PDGFRA: variants seen among roughly 807,000 people sequenced by gnomAD.
PDGFRA encodes the protein platelet-derived growth factor receptor alpha.
Under a neutral mutation model 121.5 loss-of-function variants are expected in PDGFRA, and 25 were observed. The ratio of observed to expected loss-of-function variants is 0.21; its 90% confidence interval spans 0.15 to 0.29. PDGFRA has a LOEUF of 0.29. PDGFRA is among the 10% of genes least tolerant of loss of function. PDGFRA has a pLI of 1.00. For missense variants in PDGFRA, 1,008 were observed against 1,345.1 expected (o/e 0.75, Z 3.92); for synonymous variants, 463 against 494.8 (o/e 0.94, Z 0.85).
At position 54,274,416 on chromosome 4, in the gene PDGFRA, C is replaced by T. The variant is rs529098529; in HGVS notation, c.1559-115C>T. On this transcript the variant is annotated intron_variant, in intron 10 of 22. Transcript: ENST00000257290. ...CCTAAAATGAACCAGGCAGCCCTCA[C>T]ACTTCCCCACCAGCAGTGAGAGATT... 3 of 792,996 alleles carry T rather than the reference C, an allele frequency of 3.8e-6. No homozygotes were observed. In the African/African-American group the frequency reaches 5.0e-5, roughly 13 times the overall value. The allele number at this position is 792,996 out of a possible 1,614,324, so 49.1% of individuals were successfully genotyped here.
rs1179916749 is a variant in PDGFRA at position 54,261,927 on chromosome 4, A to ATT, written c.367+516_367+517insTT. Among the ~76,000 whole-genome samples, 60 of 84,398 alleles carry ATT rather than the reference A, an allele frequency of 7.1e-4. 1 individual carries two copies. The highest frequency in any genetic ancestry group is 6.3e-3 in the South Asian group (16 of 2,524). 55.4% of individuals were successfully genotyped at this position (84,398 alleles called of 152,430 possible). The stretch of plus-strand genomic sequence containing the variant: ...TATATATATATATATATATATATAT[A>ATT]TATATTTTTTTTTTTTTTGGTAACA... On this transcript the variant is annotated intron_variant, in intron 3 of 22. Transcript: ENST00000257290.
intron 5 of PDGFRA, 60 bp from the exon 6 acceptor site, chr4:54,267,229 T>C: frequency 1.3e-6 from 2 of 1,491,626 alleles, no homozygotes; most frequent in Admixed American, 3.3e-5. Flanking sequence ...TAGTTTATCT[T>C]AGAGTTCACT....
chr4:54,248,388 A>G (rs1195139581), intron 1 of PDGFRA, among the ~76,000 whole-genome samples: 2 of 152,230 alleles, frequency 1.3e-5, no homozygotes, highest in Non-Finnish European at 2.9e-5. Flanking sequence ...ATGGAACAGA[A>G]CAGAACCCTC....
intron 16 of PDGFRA, among the ~76,000 whole-genome samples, chr4:54,284,607 C>T (rs1577740179): frequency 1.4e-5 from 2 of 148,102 alleles, no homozygotes; most frequent in Non-Finnish European, 3.0e-5. Context: ...AGGTGCCATA[C>T]AGTTTTAAAC....
chr4:54,288,833 T>G lies in PDGFRA; in HGVS notation c.2709T>G (p.Ser903=). The change falls in exon 20 of 23, where the codon TCT becomes TCG. Residue 903 remains serine (S), a synonymous_variant. Transcript: ENST00000257290. ...GTPYPGMMVD[S]TFYNKIKSGY... ...CTTACCCCGGCATGATGGTGGATTC[T>G]ACTTTCTACAATAAGATCAAGAGTG... is the stretch of plus-strand genomic sequence containing the variant. 6.2e-7 allele frequency: 1 copy of G among 1,613,584 alleles called. No individual in the cohort carries two copies. The highest frequency in any genetic ancestry group is 8.5e-7 in the Non-Finnish European group (1 of 1,179,428).
intron 8 of PDGFRA, among the ~76,000 whole-genome samples, chr4:54,271,799 T>A (rs559963369): frequency 1.3e-4 from 18 of 141,714 alleles, no homozygotes; most frequent in African/African-American, 1.6e-4. Context: ...TCCCTCACTC[T>A]CTCTTTTCTT....
chr4:54,285,655 C>G (rs984331329), intron 17 of PDGFRA, among the ~76,000 whole-genome samples, 169 bp downstream of exon 17: 10 of 152,178 alleles, frequency 6.6e-5, no homozygotes, highest in Admixed American at 1.3e-4. Flanking sequence ...AATCATCAGG[C>G]ATCTACTCTT....
At chr4:54,262,842 C>G (rs1330442560) in intron 3 of PDGFRA, among the ~76,000 whole-genome samples, 1 of 152,190 alleles carries the variant, frequency 6.6e-6, no homozygotes, top group Non-Finnish European at 1.5e-5. Context: ...GCACACGAGT[C>G]CCTGAAGTTT....
chr4:54,265,561 G>A (rs1400000177), intron 5 of PDGFRA, among the ~76,000 whole-genome samples: 1 of 152,088 alleles, frequency 6.6e-6, no homozygotes, highest in East Asian at 1.9e-4. Flanking sequence ...CACCTTCAGT[G>A]AACCGTTATG....
intron 1 of PDGFRA, among the ~76,000 whole-genome samples, chr4:54,251,065 C>CAAAAAAAAAA (rs566538469): frequency 1.9e-5 from 1 of 51,858 alleles, no homozygotes; most frequent in Non-Finnish European, 4.4e-5. Context: ...AACTCCGTCT[C>CAAAAAAAAAA]AAAAAAAAAA....
intron 14 of PDGFRA, 76 bp downstream of exon 14, chr4:54,278,082 C>A: frequency 2.3e-6 from 2 of 885,346 alleles, no homozygotes; most frequent in East Asian, 2.4e-5. Flanking sequence ...AGGCTTAAAT[C>A]CTCCACTCTC....
rs920894076 is a variant in PDGFRA at position 54,289,203 on chromosome 4, T to A, written c.2880+89T>A. ...CTGTTCCGCAGTTCTAGAGGAGCAT[T>A]TTCAAAAGAGGCAAAAGACTGTGTG... is the stretch of plus-strand genomic sequence containing the variant. On this transcript the variant is annotated intron_variant, in intron 21 of 22. Coordinates refer to ENST00000257290, the MANE Select transcript of PDGFRA (RefSeq NM_006206.6). The A allele has an allele frequency of 1.6e-5, 13 of 808,256 alleles. No homozygotes were observed. The Admixed American group carries it at 2.5e-4, about 16-fold the overall frequency. 50.1% of individuals were successfully genotyped at this position (808,256 alleles called of 1,614,324 possible).
chr4:54,295,366 A>T lies in PDGFRA; in HGVS notation c.*94A>T. 1 of 1,262,194 alleles carries T rather than the reference A, an allele frequency of 7.9e-7. No homozygotes were observed. Among genetic ancestry groups the T allele is most frequent in the South Asian group, 1.2e-5 (1 of 82,288 alleles). The allele number at this position is 1,262,194 out of a possible 1,614,324, so 78.2% of individuals were successfully genotyped here. On this transcript the variant is annotated 3_prime_UTR_variant, in exon 23 of 23. Transcript: ENST00000257290. ...TTGCAATGCAGAGGTTGAGAGGAGGACTTGGTTGATGTTTAAAGAGAAGTT... is the reference window on the plus strand; with the variant it reads ...TTGCAATGCAGAGGTTGAGAGGAGGTCTTGGTTGATGTTTAAAGAGAAGTT...
rs2110309476 is a variant in PDGFRA, at chr4:54,277,500, C to T, written c.1891+8C>T. The T allele has an allele frequency of 6.3e-7, 1 of 1,585,410 alleles. No homozygotes were observed. ...CAGTGAAGATGCTAAAACGTAAGTG[C>T]TCCTTCCTGGGGATTTTTTGAGCAC... On this transcript the variant is annotated splice_region_variant and intron_variant, in intron 13 of 22. Coordinates refer to ENST00000257290, the MANE Select transcript of PDGFRA (RefSeq NM_006206.6).
intron 1 of PDGFRA, 71 bp downstream of exon 1, chr4:54,229,486 G>A (rs1720538832): frequency 5.1e-6 from 2 of 390,856 alleles, no homozygotes. Context: ...ACTGGAGAAA[G>A]CGAAGTAACT....
At chr4:54,239,177 C>T (rs1459109158) in intron 1 of PDGFRA, among the ~76,000 whole-genome samples, 1 of 152,166 alleles carries the variant, frequency 6.6e-6, no homozygotes, top group African/African-American at 2.4e-5. Context: ...TAGCAATGAC[C>T]AGAGATACTC....
chr4:54,250,135 A>C (rs1721969241), intron 1 of PDGFRA, among the ~76,000 whole-genome samples: 1 of 152,216 alleles, frequency 6.6e-6, no homozygotes, highest in Non-Finnish European at 1.5e-5. Flanking sequence ...AAACTATAGG[A>C]AAAATAAGGG....
chr4:54,233,093 G>T (rs967712994), intron 1 of PDGFRA, among the ~76,000 whole-genome samples: 24 of 150,474 alleles, frequency 1.6e-4, no homozygotes, highest in African/African-American at 5.1e-4. Context: ...GCCCCCTCTC[G>T]GGTCTCAGTT....
chr4:54,289,995 C>T (rs1724544076), intron 21 of PDGFRA, among the ~76,000 whole-genome samples: 1 of 152,238 alleles, frequency 6.6e-6, no homozygotes, highest in Non-Finnish European at 1.5e-5. Flanking sequence ...CTCACTGCCT[C>T]TCTATGGGAC....
Sources: gnomAD v4.1 joint callset for allele counts (sites outside exome capture counted in the v4.1 genomes callset) on GRCh38, gnomAD v4.1.1 for gene constraint, MANE v1.5 for transcripts, NCBI Gene and HGNC (gene_info 2026-07-23, HGNC 2026-07-21) for gene names.